MAP4: variants seen among roughly 807,000 people sequenced by gnomAD.
MAP4 encodes the protein microtubule-associated protein 4.
Under a neutral mutation model 170.2 loss-of-function variants are expected in MAP4, and 76 were observed. The ratio of observed to expected loss-of-function variants is 0.45; its 90% CI spans 0.37 to 0.54. The LOEUF (loss-of-function observed/expected upper bound fraction) is 0.54. Among genes scored for constraint, MAP4 ranks in the 20% least tolerant of loss-of-function variants. MAP4 has a pLI of 0.00. For synonymous variants in MAP4, 909 were observed against 994.5 expected, an observed-to-expected ratio of 0.91 and a Z score of 1.62; for missense variants, 2,506 against 2,748.0, an observed-to-expected ratio of 0.91 and a Z score of 1.97.
At chr3:48,073,793 C>T (rs1288458567) in intron 1 of MAP4, among the ~76,000 whole-genome samples, 1 of 152,016 alleles carries the variant, frequency 6.6e-6, no homozygotes, top group Non-Finnish European at 1.5e-5. Flanking sequence ...AAGACTTGTA[C>T]ACTAAAAACT....
In MAP4 at chr3:47,855,228, C is replaced by T. The variant is rs755169838; in HGVS notation, c.6696+20G>A. 1 of 1,573,346 alleles carries T rather than the reference C, an allele frequency of 6.4e-7. No individual in the cohort carries two copies. Among genetic ancestry groups the T allele is most frequent in the Admixed American group, 1.7e-5 (1 of 59,942 alleles). On this transcript the variant is annotated intron_variant, in intron 19 of 20. Transcript: ENST00000683076. The surrounding 1 kb of genome is among the most constrained non-coding windows in gnomAD (Gnocchi z 5.1). Reference sequence around the variant, plus strand: ...TCCCACCCCTCCCCAGCTGTGTCTCCCCAGTGACCCACTCGCTACCTTCAC... The same window carrying T: ...TCCCACCCCTCCCCAGCTGTGTCTCTCCAGTGACCCACTCGCTACCTTCAC...
At chr3:47,862,161 C>CA (rs58780669) in intron 17 of MAP4, among the ~76,000 whole-genome samples, 1,407 of 82,558 alleles carry the variant, frequency 0.017, 28 homozygotes, top group Non-Finnish European at 0.021. Flanking sequence ...ACTCTGTCTC[C>CA]AAAAAAAAAA....
At position 47,909,133 on chromosome 3, in the gene MAP4, C is replaced by T. The variant is rs1270475061; in HGVS notation, c.5288G>A (p.Gly1763Asp). 5 of 1,613,942 alleles carry T rather than the reference C, an allele frequency of 3.1e-6. No individual in the cohort carries two copies. The highest frequency in any genetic ancestry group is 1.1e-5 in the South Asian group (1 of 91,058). ...DKSRMAEPMKGYMRPTKSRGL... is the reference protein window; with the variant it reads ...DKSRMAEPMKDYMRPTKSRGL... ...TCGGGACTTGGTGGGTCTCATGTAG[C>T]CTTTCATTGGTTCTGCCATTCTGCT... The change falls in exon 9 of 21, where the codon GGC (glycine) becomes GAC (aspartate). Residue 1763 changes from glycine (G) to aspartate (D), a missense_variant. Coordinates refer to ENST00000683076, the MANE Select transcript of MAP4 (RefSeq NM_001385682.1).
intron 10 of MAP4, among the ~76,000 whole-genome samples, chr3:47,882,829 C>CA (rs1243849579): frequency 3.3e-5 from 5 of 151,722 alleles, no homozygotes; most frequent in African/African-American, 1.2e-4. Context: ...TTTTTAAAGA[C>CA]AGAGTCTCAC....
At chr3:48,017,517 C>A, upstream of MAP4, among the ~76,000 whole-genome samples, 1 of 147,310 alleles carries the variant, frequency 6.8e-6, no homozygotes, top group African/African-American at 2.5e-5. Context: ...CAAACTCTTA[C>A]GTGTAATATC....
chr3:48,013,103 A>G (rs952382427), intron 1 of MAP4, among the ~76,000 whole-genome samples: 6 of 152,324 alleles, frequency 3.9e-5, no homozygotes, highest in Admixed American at 3.3e-4. Context: ...AACTGGTTCA[A>G]GTATTCCAAA....
At chr3:48,039,615 A>C (rs975989297) in intron 1 of MAP4, 1 of 152,238 alleles carries the variant, frequency 6.6e-6, no homozygotes, top group African/African-American at 2.4e-5. Flanking sequence ...AGAGATTATG[A>C]AGTTCTATTC....
intron 11 of MAP4, 79 bp downstream of exon 11, chr3:47,877,338 G>A (rs775730343): frequency 5.5e-6 from 6 of 1,082,498 alleles, no homozygotes; most frequent in Admixed American, 3.8e-5. Flanking sequence ...AATTTCATTC[G>A]TGATTCAAGC....
At position 47,905,693 on chromosome 3, in the gene MAP4, T is replaced by TA. The variant is rs35557771; in HGVS notation, c.5384-2694dup. Reference sequence around the variant, plus strand: ...ACTTGTTAATACATGAAGAAGTCACTAAAAAAAAAATAAAACACAGCCAGG... The same window carrying TA: ...ACTTGTTAATACATGAAGAAGTCACTAAAAAAAAAAATAAAACACAGCCAGG... On this transcript the variant is annotated intron_variant, in intron 9 of 20. Transcript: ENST00000683076. Among the ~76,000 whole-genome samples the TA allele has an allele frequency of 8.0e-3, 471 of 59,184 alleles. 2 individuals are homozygous for TA. The highest frequency in any genetic ancestry group is 7.4e-3 in the Non-Finnish European group (247 of 33,244). The allele number at this position is 59,184 out of a possible 152,430, so 38.8% of individuals were successfully genotyped here. A position where few individuals can be genotyped will look rare whatever the true frequency, so the allele number is the denominator to read the frequency against.
At chr3:47,987,359 A>G in intron 2 of MAP4, 1 of 1,514,572 alleles carries the variant, frequency 6.6e-7, no homozygotes, top group Non-Finnish European at 8.8e-7. Flanking sequence ...GAAAGAGGAA[A>G]GTTCAGGGAA....
rs78857124 is a variant in MAP4, at chr3:47,992,460, C to T, written c.223+6178G>A. ...TTATTTTTAGAGACGGGGTCTCTCTCTGTCACCCAGGCTGCAGCACAGTGG... is the reference window on the plus strand; with the variant it reads ...TTATTTTTAGAGACGGGGTCTCTCTTTGTCACCCAGGCTGCAGCACAGTGG... On this transcript the variant is annotated intron_variant, in intron 2 of 20. Transcript: ENST00000683076. Among the ~76,000 whole-genome samples, 614 of 152,198 alleles carry T rather than the reference C, an allele frequency of 4.0e-3. 6 individuals are homozygous for T. The highest frequency in any genetic ancestry group is 0.014 in the African/African-American group (595 of 41,532).
At chr3:47,894,378 C>T (rs924364252) in intron 10 of MAP4, among the ~76,000 whole-genome samples, 19 of 151,926 alleles carry the variant, frequency 1.3e-4, no homozygotes, top group East Asian at 5.9e-4. Flanking sequence ...GTCAGGAGAT[C>T]GAGACCATCC....
intron 1 of MAP4, among the ~76,000 whole-genome samples, chr3:48,055,466 G>A (rs1271238995): frequency 4.0e-5 from 6 of 150,446 alleles, no homozygotes; most frequent in African/African-American, 1.5e-4. Context: ...TCGGCCTCCC[G>A]AGGTGCCGGG....
chr3:47,948,225 CT>C (rs35761893), intron 3 of MAP4, among the ~76,000 whole-genome samples: 1,476 of 128,334 alleles, frequency 0.012, 17 homozygotes, highest in African/African-American at 0.037. Context: ...TTGACCTATT[CT>C]TTTTTTTTTT....
At chr3:47,972,526 T>C (rs1340179404) in intron 3 of MAP4, among the ~76,000 whole-genome samples, 1 of 152,238 alleles carries the variant, frequency 6.6e-6, no homozygotes, top group African/African-American at 2.4e-5. Flanking sequence ...ACATTAAATA[T>C]CAGTAGTCAT....
In MAP4 at chr3:47,853,343, C is replaced by T. The variant is rs562014821; in HGVS notation, c.6706G>A (p.Gly2236Ser). 3.2e-5 allele frequency: 51 copies of T among 1,605,126 alleles called. No individual in the cohort carries two copies. In the South Asian group the frequency reaches 4.9e-4, roughly 15 times the overall value. The change falls in exon 20 of 21, where the codon GGT becomes AGT. Residue 2236 changes from glycine (G) to serine (S), a missense_variant. Around this residue, in one of 3 missense-constraint regions of MAP4, gnomAD observed 487 missense variants for 511.6 expected, o/e 0.95. Coordinates refer to ENST00000683076, the MANE Select transcript of MAP4 (RefSeq NM_001385682.1). ...PAGGAVKTEG[G>S]GSEAPLCPGP... ...GGACACAGAGGAGCCTCGCTGCCAC[C>T]GCCCTCAGTCTACAATGAAACAGTG...
intron 3 of MAP4, among the ~76,000 whole-genome samples, chr3:47,934,720 A>C: frequency 6.6e-6 from 1 of 152,120 alleles, no homozygotes; most frequent in East Asian, 1.9e-4. Context: ...TTTTTCCCCC[A>C]GTGGTAACCT....
intron 10 of MAP4, among the ~76,000 whole-genome samples, chr3:47,901,872 T>C (rs2100030204): frequency 1.3e-5 from 2 of 152,134 alleles, no homozygotes; most frequent in East Asian, 1.9e-4. Flanking sequence ...TAAAGTAGGA[T>C]ATTCAAGCCA....
intron 3 of MAP4, among the ~76,000 whole-genome samples, chr3:47,946,438 G>C (rs1275941938): frequency 6.6e-6 from 1 of 150,934 alleles, no homozygotes; most frequent in Admixed American, 6.6e-5. Flanking sequence ...CAGATCACCT[G>C]AGGTCAGGAG....
Sources: gnomAD v4.1 joint callset for allele counts (sites outside exome capture counted in the v4.1 genomes callset) on GRCh38, gnomAD v4.1.1 for gene constraint, gnomAD v4.1.1 regional missense constraint, Gnocchi (gnomAD v3.1) non-coding constraint, MANE v1.5 for transcripts, NCBI Gene and HGNC (gene_info 2026-07-23, HGNC 2026-07-21) for gene names.